GPR89B: variants seen among roughly 807,000 people sequenced by gnomAD.
GPR89B encodes the protein G protein-coupled receptor 89B.
GPR89B carries 25 observed loss-of-function variants against 52.4 expected under a neutral mutation model. That is an observed-to-expected ratio of 0.48 (90% CI 0.35 to 0.67). The LOEUF (loss-of-function observed/expected upper bound fraction) is 0.67. Among genes scored for constraint, GPR89B ranks in the 30% least tolerant of loss-of-function variants. The pLI, the probability that GPR89B is intolerant of heterozygous loss-of-function variation, is 0.01. For missense variants in GPR89B, 146 were observed against 450.2 expected (o/e 0.32, Z 6.11); for synonymous variants, 52 against 151.2 (o/e 0.34, Z 4.81).
Position 147,944,817 on chromosome 1 carries a change from T to A in GPR89B, c.415+719T>A, listed in dbSNP as rs1347395025. ...TATGTATGAATCTATCTAAAAAGAT[T>A]AGAGAATCTATCTAAAAAGATTAGA... On this transcript the variant is annotated intron_variant, in intron 5 of 13. Coordinates refer to ENST00000314163, the MANE Select transcript of GPR89B (RefSeq NM_016334.5). Among the ~76,000 whole-genome samples, 3 of 146,286 alleles carry A rather than the reference T, an allele frequency of 2.1e-5. No homozygotes were observed. The East Asian group carries it at 6.7e-4, about 33-fold the overall frequency.
intron 1 of GPR89B, among the ~76,000 whole-genome samples, chr1:147,934,443 C>G (rs1558031155): frequency 6.6e-6 from 1 of 152,140 alleles, no homozygotes; most frequent in Non-Finnish European, 1.5e-5. Flanking sequence ...GGATTACAGA[C>G]GTGAGCCACC....
At chr1:147,939,024 T>C (rs2149039649) in intron 3 of GPR89B, among the ~76,000 whole-genome samples, 1 of 127,290 alleles carries the variant, frequency 7.9e-6, no homozygotes, top group Admixed American at 8.2e-5. Context: ...AAACAAAAGA[T>C]CTGACCGTTA....
chr1:147,993,646 G>T (rs1659229376), downstream of GPR89B: 1 of 153,240 alleles, frequency 6.5e-6, no homozygotes, highest in South Asian at 2.0e-4. Flanking sequence ...GTGAAACCGT[G>T]AATAACTTAA....
intron 9 of GPR89B, chr1:147,969,175 C>T: frequency 2.0e-6 from 1 of 488,902 alleles, no homozygotes. Context: ...TCAAAAGTAG[C>T]AATTGGTGGG....
chr1:147,936,898 G>C, intron 2 of GPR89B, among the ~76,000 whole-genome samples: 1 of 152,046 alleles, frequency 6.6e-6, no homozygotes, highest in East Asian at 1.9e-4. Flanking sequence ...GAAGTTAGGA[G>C]CAAGGATTAT....
chr1:147,996,695 G>A, downstream of GPR89B: 6 of 1,596,774 alleles, frequency 3.8e-6, no homozygotes, highest in East Asian at 1.1e-4. Context: ...CTCCTTGACA[G>A]AGCCATTGGG....
the GPR89B span, among the ~76,000 whole-genome samples, chr1:148,019,350 T>C: frequency 6.2e-4 from 92 of 148,072 alleles, no homozygotes; most frequent in Non-Finnish European, 6.4e-4. Flanking sequence ...CACTTATAAC[T>C]GGGAGCTGAA....
intron 5 of GPR89B, among the ~76,000 whole-genome samples, chr1:147,947,347 A>C (rs1484980523): frequency 6.6e-6 from 1 of 152,168 alleles, no homozygotes; most frequent in Admixed American, 6.5e-5. Flanking sequence ...AAAAAAAAAA[A>C]AAAGATAAGA....
At chr1:147,943,306 G>A (rs1654699150) in intron 3 of GPR89B, 132 bp from the exon 4 acceptor site, 1 of 1,382,764 alleles carries the variant, frequency 7.2e-7, no homozygotes. Context: ...GATTTTAAGA[G>A]CCTAGTAGGC....
At chr1:147,938,087 G>A (rs1281579834) in intron 2 of GPR89B, among the ~76,000 whole-genome samples, 8 of 151,866 alleles carry the variant, frequency 5.3e-5, no homozygotes, top group South Asian at 2.1e-4. Flanking sequence ...CCCTCCATTC[G>A]GGGTCCCTGA....
chr1:147,998,449 T>C (rs1394654166), downstream of GPR89B, among the ~76,000 whole-genome samples: 6 of 150,120 alleles, frequency 4.0e-5, no homozygotes, highest in Admixed American at 1.3e-4. Context: ...ATGGAGCCTT[T>C]CTCTTTAAAA....
At chr1:148,018,759 C>G in the GPR89B span, among the ~76,000 whole-genome samples, 1 of 151,684 alleles carries the variant, frequency 6.6e-6, no homozygotes, top group East Asian at 1.9e-4. Context: ...CTCCGCCTCC[C>G]AGGTTCAAGC....
At chr1:147,956,484 G>C (rs1425988611) in intron 7 of GPR89B, among the ~76,000 whole-genome samples, 1 of 151,990 alleles carries the variant, frequency 6.6e-6, no homozygotes, top group East Asian at 1.9e-4. Flanking sequence ...GCTTTAGGTA[G>C]TATGGATGTT....
At chr1:147,975,393 G>C (rs1223050897) in intron 10 of GPR89B, among the ~76,000 whole-genome samples, 2 of 144,886 alleles carry the variant, frequency 1.4e-5, no homozygotes, top group East Asian at 4.0e-4. Flanking sequence ...TTCAGTCTTG[G>C]GAGGGTGTAT....
chr1:148,021,231 G>T, the GPR89B span, among the ~76,000 whole-genome samples: 1 of 151,128 alleles, frequency 6.6e-6, no homozygotes. Flanking sequence ...GGCCGGGCGC[G>T]GTGGCTCACG....
chr1:147,984,854 G>C (rs1357006226), intron 10 of GPR89B, among the ~76,000 whole-genome samples: 6,312 of 151,292 alleles, frequency 0.042, 185 homozygotes, highest in African/African-American at 0.069. Flanking sequence ...TTCATGTGGT[G>C]TAAGAACATA....
intron 1 of GPR89B, among the ~76,000 whole-genome samples, chr1:147,930,940 T>C (rs1571211409): frequency 6.6e-6 from 1 of 152,180 alleles, no homozygotes; most frequent in Non-Finnish European, 1.5e-5. Context: ...AGATCTCAAG[T>C]TGAACACCCA....
chr1:147,996,998 G>A (rs1659329389), downstream of GPR89B, among the ~76,000 whole-genome samples: 1 of 151,836 alleles, frequency 6.6e-6, no homozygotes, highest in Non-Finnish European at 1.5e-5. Flanking sequence ...AGTATAGGAT[G>A]CGGTACAAGG....
chr1:148,002,059 C>G, the GPR89B span, among the ~76,000 whole-genome samples: 1 of 121,354 alleles, frequency 8.2e-6, no homozygotes, highest in African/African-American at 3.2e-5. Context: ...TTTTTTTTAA[C>G]AAGTTCCTGT....
Sources: gnomAD v4.1 joint callset for allele counts (sites outside exome capture counted in the v4.1 genomes callset) on GRCh38, gnomAD v4.1.1 for gene constraint, MANE v1.5 for transcripts, NCBI Gene and HGNC (gene_info 2026-07-23, HGNC 2026-07-21) for gene names.